SDAD1: variants seen among roughly 807,000 people sequenced by gnomAD.
SDAD1 encodes protein SDA1 homolog.
In SDAD1, 79 loss-of-function variants were observed where a neutral mutation model predicts 100.3. The ratio of observed to expected loss-of-function variants is 0.79; its 90% CI spans 0.66 to 0.95. The LOEUF (loss-of-function observed/expected upper bound fraction) is 0.95. Among genes scored for constraint, SDAD1 ranks in the 40% least tolerant of loss-of-function variants. The pLI is 0.00. For missense variants in SDAD1, 790 were observed against 810.9 expected, an observed-to-expected ratio of 0.97 and a Z score of 0.31; for synonymous variants, 267 against 271.4, an observed-to-expected ratio of 0.98 and a Z score of 0.16.
Position 75,950,454 on chromosome 4 carries a change from G to T in SDAD1, c.*296C>A, listed in dbSNP as rs373324313. The T allele has an allele frequency of 3.3e-6, 1 of 305,422 alleles. No homozygotes were observed. The highest frequency in any genetic ancestry group is 6.3e-6 in the Non-Finnish European group (1 of 158,768). 18.9% of individuals were successfully genotyped at this position (305,422 alleles called of 1,614,324 possible). ...AAGCTGTCAATGCCTTGAGTGAAGG[G>T]GTTACAGCTCATTCGTTTTGCATCT... On this transcript the variant is annotated 3_prime_UTR_variant, in exon 22 of 22. Transcript: ENST00000356260.
intron 21 of SDAD1, among the ~76,000 whole-genome samples, chr4:75,952,488 G>A (rs545345816): frequency 2.6e-4 from 39 of 151,994 alleles, no homozygotes; most frequent in African/African-American, 8.7e-4. Flanking sequence ...CTTCCCTATC[G>A]TATGCTTTAC....
At chr4:75,981,512 C>G in intron 2 of SDAD1, 42 bp from the exon 3 acceptor site, 1 of 1,611,552 alleles carries the variant, frequency 6.2e-7, no homozygotes, top group Non-Finnish European at 8.5e-7. Context: ...CTCTCTTTCT[C>G]TCCTATAATT....
intron 21 of SDAD1, among the ~76,000 whole-genome samples, 174 bp from the exon 22 acceptor site, chr4:75,950,971 T>C (rs1047246652): frequency 6.6e-6 from 1 of 152,154 alleles, no homozygotes; most frequent in African/African-American, 2.4e-5. Context: ...TGGGGCATAT[T>C]ACTGCTAGGA....
At chr4:75,987,133 C>T (rs1279879703) in intron 1 of SDAD1, among the ~76,000 whole-genome samples, 1 of 151,938 alleles carries the variant, frequency 6.6e-6, no homozygotes, top group Non-Finnish European at 1.5e-5. Context: ...CCTCCTTTTT[C>T]AAAAAATCCT....
chr4:75,959,870 T>C (rs1041005703), intron 17 of SDAD1, among the ~76,000 whole-genome samples, 196 bp downstream of exon 17: 1 of 152,224 alleles, frequency 6.6e-6, no homozygotes, highest in African/African-American at 2.4e-5. Flanking sequence ...AAAAGGCATT[T>C]CCTATGCTAG....
Position 75,950,519 on chromosome 4 carries a change from TGCATGAA to T in SDAD1, c.*224_*230del. 2.2e-6 allele frequency: 1 copy of T among 452,928 alleles called. No homozygotes were observed. Among genetic ancestry groups the T allele is most frequent in the Non-Finnish European group, 4.1e-6 (1 of 244,362 alleles). The allele number at this position is 452,928 out of a possible 1,614,324, so 28.1% of individuals were successfully genotyped here. On this transcript the variant is annotated 3_prime_UTR_variant, in exon 22 of 22. Transcript: ENST00000356260. ...TAGGCACTCAATACATACTTTTTTT[TGCATGAA>T]TGATAAATGAAATGATTTTACATTA...
At position 75,961,977 on chromosome 4, in the gene SDAD1, T is replaced by C. The variant is rs199706516; in HGVS notation, c.1182-669A>G. On this transcript the variant is annotated intron_variant, in intron 14 of 21. Coordinates refer to ENST00000356260, the MANE Select transcript of SDAD1 (RefSeq NM_018115.4). Reference sequence around the variant, plus strand: ...GGTTTGTTACATATGTATACATGTGTCATGTTGGTGTGCTGCACCCATTAA... The same window carrying C: ...GGTTTGTTACATATGTATACATGTGCCATGTTGGTGTGCTGCACCCATTAA... Among the ~76,000 whole-genome samples, 8 of 152,260 alleles carry C rather than the reference T, an allele frequency of 5.3e-5. No homozygotes were observed. In the East Asian group the frequency reaches 1.3e-3, roughly 26 times the overall value.
chr4:75,960,894 A>G, intron 16 of SDAD1, 134 bp downstream of exon 16: 1 of 738,034 alleles, frequency 1.4e-6, no homozygotes, highest in Admixed American at 2.3e-5. Context: ...CCAAGCTTAA[A>G]GAATACAACC....
intron 3 of SDAD1, among the ~76,000 whole-genome samples, chr4:75,979,822 A>G (rs1032489211): frequency 1.3e-5 from 2 of 151,674 alleles, no homozygotes; most frequent in Non-Finnish European, 2.9e-5. Context: ...ATACATACAC[A>G]TTTTTTTCCA....
chr4:75,974,402 C>CAAAAAA (rs36025367), intron 6 of SDAD1, among the ~76,000 whole-genome samples: 3 of 110,908 alleles, frequency 2.7e-5, no homozygotes, highest in Admixed American at 8.7e-5. Context: ...TAGTCAAGTG[C>CAAAAAA]AAAAAAAAAA....
Position 75,970,294 on chromosome 4 carries a change from G to GT in SDAD1, c.883+14dup. 6.2e-7 allele frequency: 1 copy of GT among 1,606,666 alleles called. No individual in the cohort carries two copies. The highest frequency in any genetic ancestry group is 1.1e-5 in the South Asian group (1 of 90,820). On this transcript the variant is annotated intron_variant, in intron 10 of 21. Transcript: ENST00000356260. Reference sequence around the variant, plus strand: ...GATAAGGCCAACAAGGAACTCGGACGTCATAATAACGTACCTTGGGGATCA... The same window carrying GT: ...GATAAGGCCAACAAGGAACTCGGACGTTCATAATAACGTACCTTGGGGATCA...
chr4:75,960,564 TG>T (rs1350558117), intron 16 of SDAD1, among the ~76,000 whole-genome samples: 1 of 152,212 alleles, frequency 6.6e-6, no homozygotes. Flanking sequence ...ACTATTTTCT[TG>T]TTGTGTTTTG....
In SDAD1 at chr4:75,973,398, A is replaced by C. The variant is rs376927040; in HGVS notation, c.637-7T>G. ...TCAAAGCGGCAACTAATATCTAAAC[A>C]CCAATGAGAAAAAAGTCAGCTACTT... On this transcript the variant is annotated splice_polypyrimidine_tract_variant and splice_region_variant and intron_variant, in intron 7 of 21. Coordinates refer to ENST00000356260, the MANE Select transcript of SDAD1 (RefSeq NM_018115.4). 5 of 1,609,942 alleles carry C rather than the reference A, an allele frequency of 3.1e-6. No homozygotes were observed. Among genetic ancestry groups the C allele is most frequent in the Non-Finnish European group, 3.4e-6 (4 of 1,176,584 alleles).
chr4:75,968,285 A>C (rs1729658951), intron 11 of SDAD1, among the ~76,000 whole-genome samples: 1 of 152,228 alleles, frequency 6.6e-6, no homozygotes, highest in Non-Finnish European at 1.5e-5. Context: ...CAAAATGTTA[A>C]CAGGTTTTTC....
At chr4:75,967,442 GTTTTT>G in intron 11 of SDAD1, 108 bp from the exon 12 acceptor site, 1 of 997,826 alleles carries the variant, frequency 1.0e-6, no homozygotes, top group South Asian at 1.4e-5. Flanking sequence ...GAACACTTTT[GTTTTT>G]TTCTCAGTAA....
chr4:75,974,214 G>A (rs1730026360), intron 6 of SDAD1, 81 bp from the exon 7 acceptor site: 3 of 1,130,750 alleles, frequency 2.7e-6, no homozygotes, highest in Non-Finnish European at 4.0e-6. Context: ...CAAAATAAAT[G>A]ATATAACAAA....
intron 21 of SDAD1, 53 bp downstream of exon 21, chr4:75,955,922 T>C (rs1464890334): frequency 2.0e-6 from 3 of 1,537,720 alleles, no homozygotes; most frequent in Non-Finnish European, 2.6e-6. Flanking sequence ...AATGTAAAGC[T>C]GTCTTGGAAT....
chr4:75,981,774 T>G (rs1730534451), intron 2 of SDAD1, among the ~76,000 whole-genome samples, 159 bp downstream of exon 2: 2 of 152,216 alleles, frequency 1.3e-5, no homozygotes, highest in Non-Finnish European at 2.9e-5. Flanking sequence ...ATTCTCTAAC[T>G]CATGATAGGG....
chr4:75,968,837 C>T (rs974685867), intron 11 of SDAD1, among the ~76,000 whole-genome samples: 8 of 151,850 alleles, frequency 5.3e-5, no homozygotes, highest in African/African-American at 1.5e-4. Flanking sequence ...TGAGACCAGC[C>T]TGGCCAATAT....
Sources: allele counts gnomAD v4.1 joint callset (sites outside exome capture counted in the v4.1 genomes callset), GRCh38; gene constraint gnomAD v4.1.1; transcripts MANE v1.5; gene names NCBI Gene and HGNC (gene_info 2026-07-23, HGNC 2026-07-21).